The following GPR173 variants were observed in gnomAD, a reference collection of about 807,000 sequenced individuals.
GPR173 encodes the protein G protein-coupled receptor 173.
A neutral mutation model predicts 13.9 loss-of-function variants in GPR173; 2 were observed. That is an observed-to-expected ratio of 0.14 (90% CI 0.06 to 0.45). The LOEUF (loss-of-function observed/expected upper bound fraction) is 0.45. Among genes scored for constraint, GPR173 ranks in the 20% least tolerant of loss-of-function variants. GPR173 has a pLI of 0.98. For synonymous variants in GPR173, 131 were observed against 141.0 expected (o/e 0.93, Z 0.50); for missense variants, 202 against 340.5 (o/e 0.59, Z 3.20).
At chrX:53,057,528 G>A (rs1487597647) in intron 1 of GPR173, among the ~76,000 whole-genome samples, 4 of 106,690 alleles carry the variant, frequency 3.7e-5, no homozygotes, top group South Asian at 4.2e-4. Context: ...ACCTGAGTTC[G>A]GGAGTTCGAG....
intron 1 of GPR173, among the ~76,000 whole-genome samples, chrX:53,067,093 G>A (rs1932193197): frequency 8.9e-6 from 1 of 111,927 alleles, no homozygotes; most frequent in Non-Finnish European, 1.9e-5. Flanking sequence ...TTTCTAACTA[G>A]TACTGTAAAC....
chrX:53,068,075 C>T (rs904998792), intron 1 of GPR173, among the ~76,000 whole-genome samples: 2 of 110,737 alleles, frequency 1.8e-5, no homozygotes, highest in Non-Finnish European at 3.8e-5. Flanking sequence ...GAGTCTTGAC[C>T]TTTTAGGAGT....
At chrX:53,071,312 A>G in intron 1 of GPR173, among the ~76,000 whole-genome samples, 1 of 111,569 alleles carries the variant, frequency 9.0e-6, no homozygotes, top group Non-Finnish European at 1.9e-5. Context: ...GATTTAGGAG[A>G]AGGGGAAACA....
Position 53,076,560 on chromosome X carries a change from G to A in GPR173, c.-62G>A, listed in dbSNP as rs1932435243. The A allele has an allele frequency of 3.1e-6, 3 of 966,254 alleles. No individual in the cohort carries two copies. The highest frequency in any genetic ancestry group is 2.9e-5 in the Admixed American group (1 of 34,940). 79.6% of individuals were successfully genotyped at this position (966,254 alleles called of 1,213,427 possible). A position where few individuals can be genotyped will look rare whatever the true frequency, so the allele number is the denominator to read the frequency against. ...GCAGGACAACTCATGGAGCCCCCCCGGGCCCATCGAGTACCGGACTGGCTG... is the reference window on the plus strand; with the variant it reads ...GCAGGACAACTCATGGAGCCCCCCCAGGCCCATCGAGTACCGGACTGGCTG... On this transcript the variant is annotated 5_prime_UTR_variant, in exon 2 of 2. Transcript: ENST00000332582.
chrX:53,051,802 T>C (rs782519003), intron 1 of GPR173, among the ~76,000 whole-genome samples: 1 of 111,263 alleles, frequency 9.0e-6, no homozygotes, highest in Non-Finnish European at 1.9e-5. Context: ...CCCAATTAGA[T>C]GAATGCCTAG....
At position 53,079,768 on chromosome X, in the gene GPR173, G is replaced by C. The variant is rs1233214747; in HGVS notation, c.*2025G>C. The C allele has an allele frequency of 1.1e-5, 1 of 93,713 alleles. No homozygotes were observed. The highest frequency in any genetic ancestry group is 2.1e-5 in the Non-Finnish European group (1 of 48,253). 7.7% of individuals were successfully genotyped at this position (93,713 alleles called of 1,213,427 possible). ...ATGGGGACAGATACAGCACGTGCAT[G>C]CATACACACACACACACACACACCA... On this transcript the variant is annotated 3_prime_UTR_variant, in exon 2 of 2. Coordinates refer to ENST00000332582, the MANE Select transcript of GPR173 (RefSeq NM_018969.6).
intron 1 of GPR173, among the ~76,000 whole-genome samples, chrX:53,070,685 T>C (rs1436934959): frequency 9.1e-6 from 1 of 110,159 alleles, no homozygotes; most frequent in Admixed American, 9.8e-5. Flanking sequence ...AGTTTCACCA[T>C]GTTGGCCAGG....
At chrX:53,061,262 T>C (rs1379127019) in intron 1 of GPR173, among the ~76,000 whole-genome samples, 1 of 110,739 alleles carries the variant, frequency 9.0e-6, no homozygotes, top group Non-Finnish European at 1.9e-5. Flanking sequence ...TATAGTTATA[T>C]CTGTATATTG....
At chrX:53,059,076 C>T (rs1294632001) in intron 1 of GPR173, among the ~76,000 whole-genome samples, 3 of 106,263 alleles carry the variant, frequency 2.8e-5, no homozygotes, top group Non-Finnish European at 3.9e-5. Flanking sequence ...GGTGAAACCC[C>T]GTCTCTACTA....
At chrX:53,062,859 C>A (rs1405912013) in intron 1 of GPR173, among the ~76,000 whole-genome samples, 1 of 111,618 alleles carries the variant, frequency 9.0e-6, no homozygotes, top group Non-Finnish European at 1.9e-5. Flanking sequence ...GGAGAATGAT[C>A]TTTGACTCTG....
rs186520403 is a variant in GPR173, at chrX:53,068,091, C to T, written c.-97-8434C>T. Among the ~76,000 whole-genome samples the T allele has an allele frequency of 1.1e-4, 12 of 111,065 alleles. No homozygotes were observed. The East Asian group carries it at 3.1e-3, about 29-fold the overall frequency. The stretch of plus-strand genomic sequence containing the variant: ...AGTCTTGACCTTTTAGGAGTAGATA[C>T]TGAAATACTTAAGGATGAAATGATA... On this transcript the variant is annotated intron_variant, in intron 1 of 1. Coordinates refer to ENST00000332582, the MANE Select transcript of GPR173 (RefSeq NM_018969.6).
chrX:53,060,029 T>TACACACACACAC (rs200398295), intron 1 of GPR173, among the ~76,000 whole-genome samples: 1 of 102,003 alleles, frequency 9.8e-6, no homozygotes, highest in African/African-American at 3.7e-5. Context: ...TATATATATA[T>TACACACACACAC]ATACACACAC....
At chrX:53,076,121 G>A (rs1473624266) in intron 1 of GPR173, among the ~76,000 whole-genome samples, 1 of 111,255 alleles carries the variant, frequency 9.0e-6, no homozygotes, top group Non-Finnish European at 1.9e-5. Flanking sequence ...GACAAGGAGC[G>A]GGTAGGAGCA....
chrX:53,072,340 T>C (rs2146681373), intron 1 of GPR173, among the ~76,000 whole-genome samples: 1 of 107,543 alleles, frequency 9.3e-6, no homozygotes, highest in East Asian at 2.9e-4. Context: ...CTATTTTTCT[T>C]TCTTTCCTGG....
chrX:53,073,258 T>C (rs1428199187), intron 1 of GPR173, among the ~76,000 whole-genome samples: 5 of 106,657 alleles, frequency 4.7e-5, no homozygotes, highest in African/African-American at 1.4e-4. Context: ...CAGGTGGCTG[T>C]GGCAGGCCAG....
Position 53,079,456 on chromosome X carries a change from T to TG in GPR173, c.*1719dup, listed in dbSNP as rs1258893993. 4.7e-5 allele frequency: 1 copy of TG among 21,278 alleles called. No individual in the cohort carries two copies. The highest frequency in any genetic ancestry group is 1.1e-4 in the Non-Finnish European group (1 of 8,861). 1.8% of individuals were successfully genotyped at this position (21,278 alleles called of 1,213,427 possible). A position where few individuals can be genotyped will look rare whatever the true frequency, so the allele number is the denominator to read the frequency against. On this transcript the variant is annotated 3_prime_UTR_variant, in exon 2 of 2. Coordinates refer to ENST00000332582, the MANE Select transcript of GPR173 (RefSeq NM_018969.6). ...GGGTGGGGTGGGAAGACCAAGGGGGTGGGGGGTAGATAGGGTACATTTAGG... is the reference window on the plus strand; with the variant it reads ...GGGTGGGGTGGGAAGACCAAGGGGGTGGGGGGGTAGATAGGGTACATTTAGG...
intron 1 of GPR173, among the ~76,000 whole-genome samples, chrX:53,074,318 ATT>A (rs1475598503): frequency 1.4e-5 from 1 of 73,129 alleles, no homozygotes; most frequent in African/African-American, 6.0e-5. Flanking sequence ...ATTCATATAT[ATT>A]TATATATAAA....
At chrX:53,060,389 G>A (rs1556803659) in intron 1 of GPR173, among the ~76,000 whole-genome samples, 3 of 109,877 alleles carry the variant, frequency 2.7e-5, no homozygotes. Flanking sequence ...AGATCAGCCT[G>A]GCCAACATGG....
chrX:53,073,877 TTA>T (rs1411552820), intron 1 of GPR173, among the ~76,000 whole-genome samples: 1 of 14,424 alleles, frequency 6.9e-5, no homozygotes, highest in East Asian at 1.8e-3. Context: ...TTATATATAA[TTA>T]TATATATATT....
Sources: allele counts gnomAD v4.1 joint callset (sites outside exome capture counted in the v4.1 genomes callset), GRCh38; gene constraint gnomAD v4.1.1; transcripts MANE v1.5; gene names NCBI Gene and HGNC (gene_info 2026-07-23, HGNC 2026-07-21).